Variants in DPYD observed in about 807,000 individuals in gnomAD.
DPYD encodes the protein dihydropyrimidine dehydrogenase [NADP(+)].
A neutral mutation model predicts 116.2 loss-of-function variants in DPYD; 109 were observed. That is an observed-to-expected ratio of 0.94 (90% confidence interval 0.80 to 1.10). DPYD has a LOEUF of 1.10. DPYD is among the 50% of genes least tolerant of loss of function. DPYD has a pLI of 0.00. For missense variants in DPYD, 1,302 were observed against 1,254.5 expected, an observed-to-expected ratio of 1.04 and a Z score of -0.57; for synonymous variants, 440 against 432.0, an observed-to-expected ratio of 1.02 and a Z score of -0.23.
intron 14 of DPYD, among the ~76,000 whole-genome samples, chr1:97,392,835 T>G (rs1236132180): frequency 6.6e-6 from 1 of 152,036 alleles, no homozygotes; most frequent in Non-Finnish European, 1.5e-5. Flanking sequence ...TTCTCTAATC[T>G]GTAGTGACTT....
chr1:97,748,377 G>A (rs777683938), intron 3 of DPYD, among the ~76,000 whole-genome samples: 5 of 152,110 alleles, frequency 3.3e-5, no homozygotes, highest in African/African-American at 9.7e-5. Context: ...GGGAGGCCAC[G>A]GCGGGCGGAT....
chr1:97,347,800 AT>A (rs947602389), intron 16 of DPYD, among the ~76,000 whole-genome samples: 4 of 152,128 alleles, frequency 2.6e-5, no homozygotes, highest in African/African-American at 9.7e-5. Flanking sequence ...CACAGTCTTC[AT>A]TTTTTGTAGT....
intron 16 of DPYD, among the ~76,000 whole-genome samples, chr1:97,364,688 A>T (rs1311906374): frequency 6.6e-6 from 1 of 152,144 alleles, no homozygotes; most frequent in Admixed American, 6.6e-5. Flanking sequence ...GTTGGTATAA[A>T]ATCTGTGATT....
chr1:97,534,286 G>C (rs1360785362), intron 12 of DPYD, among the ~76,000 whole-genome samples: 1 of 152,072 alleles, frequency 6.6e-6, no homozygotes, highest in Non-Finnish European at 1.5e-5. Context: ...ATGAAATAAG[G>C]TAAAATTTTG....
At chr1:97,764,421 T>C (rs1371148147) in intron 3 of DPYD, among the ~76,000 whole-genome samples, 1 of 152,080 alleles carries the variant, frequency 6.6e-6, no homozygotes, top group Non-Finnish European at 1.5e-5. Flanking sequence ...TATTTAGATT[T>C]TAACTATCTA....
rs573111476 is a variant in DPYD at position 97,491,176 on chromosome 1, G to A, written c.1740+24550C>T. Among the ~76,000 whole-genome samples the A allele has an allele frequency of 1.2e-3, 171 of 145,676 alleles. 1 individual carries two copies. Among genetic ancestry groups the A allele is most frequent in the Non-Finnish European group, 1.5e-3 (100 of 66,668 alleles). ...CTACATAATAAAATATACATTATTC[G>A]TAGTATATTATATATAATATAATTA... On this transcript the variant is annotated intron_variant, in intron 13 of 22. Transcript: ENST00000370192.
chr1:97,749,351 A>G (rs940374255), intron 3 of DPYD, among the ~76,000 whole-genome samples: 2 of 152,306 alleles, frequency 1.3e-5, no homozygotes, highest in South Asian at 2.1e-4. Context: ...ACAAACATAT[A>G]CATATGCTTT....
chr1:97,548,315 A>G (rs1651053384), intron 12 of DPYD, among the ~76,000 whole-genome samples: 1 of 152,234 alleles, frequency 6.6e-6, no homozygotes, highest in Admixed American at 6.5e-5. Flanking sequence ...AAAGTAAGCT[A>G]CTGAGATCTG....
intron 8 of DPYD, among the ~76,000 whole-genome samples, chr1:97,617,723 T>A (rs1210539815): frequency 6.6e-6 from 1 of 152,124 alleles, no homozygotes; most frequent in African/African-American, 2.4e-5. Flanking sequence ...GTCAAATCAT[T>A]GCTACCAAGC....
At chr1:97,176,042 A>T (rs1657231033) in intron 20 of DPYD, among the ~76,000 whole-genome samples, 1 of 152,190 alleles carries the variant, frequency 6.6e-6, no homozygotes, top group Admixed American at 6.6e-5. Flanking sequence ...GACATATTGG[A>T]GTGTTACTGA....
rs546171183 is a variant in DPYD, at chr1:97,472,170, C to T, written c.1741-21947G>A. 5.9e-5 allele frequency among the ~76,000 whole-genome samples: 9 copies of T among 152,272 alleles called. No homozygotes were observed. In the South Asian group the frequency reaches 6.2e-4, roughly 11 times the overall value. On this transcript the variant is annotated intron_variant, in intron 13 of 22. Transcript: ENST00000370192. ...ATGTGCACAATAATTAGAAACTACT[C>T]GAAAGCATTTCAATTGTACTTTCAA...
At chr1:97,497,750 C>T (rs1446265928) in intron 13 of DPYD, among the ~76,000 whole-genome samples, 2 of 151,678 alleles carry the variant, frequency 1.3e-5, no homozygotes, top group Admixed American at 1.3e-4. Flanking sequence ...ATTGGGGTAG[C>T]TGCTTTGGAA....
intron 8 of DPYD, among the ~76,000 whole-genome samples, chr1:97,639,019 T>C (rs1403561248): frequency 2.0e-5 from 3 of 152,076 alleles, no homozygotes. Context: ...TAAAAACATA[T>C]TTTTAGCCAC....
chr1:97,396,857 T>C (rs1673036457), intron 14 of DPYD, among the ~76,000 whole-genome samples: 1 of 152,058 alleles, frequency 6.6e-6, no homozygotes, highest in Non-Finnish European at 1.5e-5. Flanking sequence ...TAACCTCAAC[T>C]GTATCATCCT....
intron 2 of DPYD, among the ~76,000 whole-genome samples, chr1:97,840,405 A>G (rs1669981938): frequency 6.6e-6 from 1 of 152,124 alleles, no homozygotes; most frequent in African/African-American, 2.4e-5. Context: ...CATAAAATGT[A>G]ATACATAGAA....
intron 16 of DPYD, chr1:97,308,387 T>C (rs1308257642): frequency 6.6e-6 from 1 of 151,812 alleles, no homozygotes; most frequent in South Asian, 2.1e-4. Context: ...TCTTCATACT[T>C]AGGCAAGCCA....
intron 3 of DPYD, among the ~76,000 whole-genome samples, chr1:97,745,051 G>T (rs1044693188): frequency 3.3e-5 from 5 of 151,972 alleles, no homozygotes; most frequent in African/African-American, 1.2e-4. Flanking sequence ...ATAATTATCT[G>T]CCTATTTATA....
At chr1:97,334,677 G>T (rs74104367) in intron 16 of DPYD, among the ~76,000 whole-genome samples, 17,723 of 152,152 alleles carry the variant, frequency 0.12, 1,278 homozygotes, top group East Asian at 0.28. Context: ...TCCTGGCTCT[G>T]TTGAATAGCA....
chr1:97,889,092 G>A (rs1273258588), intron 1 of DPYD, among the ~76,000 whole-genome samples: 7 of 152,038 alleles, frequency 4.6e-5, no homozygotes, highest in African/African-American at 1.7e-4. Flanking sequence ...CAGAGGTGGA[G>A]GTTACAATGA....
Sources: allele counts gnomAD v4.1 joint callset (sites outside exome capture counted in the v4.1 genomes callset), GRCh38; gene constraint gnomAD v4.1.1; transcripts MANE v1.5; gene names NCBI Gene and HGNC (gene_info 2026-07-23, HGNC 2026-07-21).